Variants in CTNNA2 observed in about 807,000 individuals in gnomAD.
CTNNA2 encodes catenin alpha 2, also known as catenin alpha-2.
A neutral mutation model predicts 101.0 loss-of-function variants in CTNNA2; 42 were observed. The observed-to-expected ratio is 0.42, with a 90% CI of 0.32 to 0.54. The LOEUF is 0.54. CTNNA2 is among the 20% of genes least tolerant of loss of function. The pLI, the probability that CTNNA2 is intolerant of heterozygous loss-of-function variation, is 0.14. For synonymous variants in CTNNA2, 450 were observed against 456.4 expected, an observed-to-expected ratio of 0.99 and a Z score of 0.18; for missense variants, 871 against 1,223.1, an observed-to-expected ratio of 0.71 and a Z score of 4.29.
intron 4 of CTNNA2, among the ~76,000 whole-genome samples, chr2:79,492,467 A>C (rs1023657587): frequency 1.3e-5 from 2 of 152,066 alleles, no homozygotes; most frequent in Admixed American, 6.5e-5. Flanking sequence ...TGAAATGTGA[A>C]AGTAATTAAA....
chr2:79,998,575 G>C (rs535308302), intron 7 of CTNNA2, among the ~76,000 whole-genome samples: 1 of 152,068 alleles, frequency 6.6e-6, no homozygotes, highest in African/African-American at 2.4e-5. Context: ...TGTAGCCAAA[G>C]GCTTTTGCAA....
At chr2:80,487,766 CTT>C (rs981715996) in intron 9 of CTNNA2, among the ~76,000 whole-genome samples, 41 of 152,292 alleles carry the variant, frequency 2.7e-4, no homozygotes, top group African/African-American at 9.4e-4. Flanking sequence ...CTAAAAGAAA[CTT>C]ATCTCCATGC....
chr2:79,304,513 C>T (rs1676187568), intron 2 of CTNNA2, among the ~76,000 whole-genome samples: 1 of 152,294 alleles, frequency 6.6e-6, no homozygotes, highest in Admixed American at 6.5e-5. Context: ...GGAGAAGTCA[C>T]TTGTCAGACA....
chr2:79,559,824 A>G (rs1674664114), intron 1 of CTNNA2, among the ~76,000 whole-genome samples: 1 of 151,910 alleles, frequency 6.6e-6, no homozygotes, highest in Non-Finnish European at 1.5e-5. Context: ...ATGATAAAAT[A>G]ATACTAACTA....
intron 7 of CTNNA2, among the ~76,000 whole-genome samples, chr2:80,034,353 TC>T (rs1200341532): frequency 0.01 from 421 of 40,340 alleles, 1 homozygote; most frequent in East Asian, 0.074. Context: ...CATTTTTTTT[TC>T]TTTTTTTTTT....
chr2:80,378,334 C>T (rs930882268), intron 7 of CTNNA2, among the ~76,000 whole-genome samples: 3 of 149,718 alleles, frequency 2.0e-5, no homozygotes, highest in Non-Finnish European at 3.0e-5. Flanking sequence ...CCAGCCTGGG[C>T]AACAAGAGCA....
intron 11 of CTNNA2, among the ~76,000 whole-genome samples, chr2:80,555,111 T>C (rs1199670445): frequency 6.6e-6 from 1 of 152,042 alleles, no homozygotes; most frequent in Non-Finnish European, 1.5e-5. Flanking sequence ...GTTTTCCCAT[T>C]GCATATACCG....
chr2:79,502,399 T>C lies in CTNNA2; in HGVS notation c.-134-2655T>C, dbSNP rs10183606. ...TTCTTGGCATAAAAGTGAAGAAAAA[T>C]TCTACAGCTTTGGGATACAAAAATA... On this transcript the variant is annotated intron_variant, in intron 4 of 21. Coordinates refer to the CTNNA2 transcript ENST00000466387. Among the ~76,000 whole-genome samples, 1,958 of 152,184 alleles carry C rather than the reference T, an allele frequency of 0.013. 92 individuals carry two copies. In the East Asian group the frequency reaches 0.14, roughly 11 times the overall value.
intron 1 of CTNNA2, among the ~76,000 whole-genome samples, chr2:79,580,480 G>T (rs1358510746): frequency 6.6e-6 from 1 of 152,044 alleles, no homozygotes; most frequent in African/African-American, 2.4e-5. Flanking sequence ...GCAAGGAAAT[G>T]GATTTTTCCC....
At chr2:79,897,282 G>A (rs1574258422) in intron 6 of CTNNA2, among the ~76,000 whole-genome samples, 1 of 149,806 alleles carries the variant, frequency 6.7e-6, no homozygotes, top group African/African-American at 2.5e-5. Flanking sequence ...GTGGGGTAGT[G>A]TGGTTAAGCA....
chr2:79,694,004 G>A (rs1375307214), intron 2 of CTNNA2, among the ~76,000 whole-genome samples: 1 of 151,932 alleles, frequency 6.6e-6, no homozygotes, highest in Non-Finnish European at 1.5e-5. Flanking sequence ...TACAAATATT[G>A]TATTATTCAT....
At chr2:80,049,016 A>G (rs1400631020) in intron 7 of CTNNA2, among the ~76,000 whole-genome samples, 2 of 152,202 alleles carry the variant, frequency 1.3e-5, no homozygotes, top group Non-Finnish European at 2.9e-5. Context: ...TAGGGGCTAC[A>G]GTCTAGGGGC....
intron 7 of CTNNA2, among the ~76,000 whole-genome samples, chr2:80,094,720 A>G (rs1367309119): frequency 1.3e-5 from 2 of 152,132 alleles, no homozygotes; most frequent in Non-Finnish European, 2.9e-5. Flanking sequence ...GAGGTCCTTC[A>G]CATCCCTTGT....
chr2:79,814,069 T>C (rs1231108831), intron 3 of CTNNA2, among the ~76,000 whole-genome samples: 5 of 152,098 alleles, frequency 3.3e-5, no homozygotes, highest in Non-Finnish European at 5.9e-5. Context: ...GTCTGCCCTC[T>C]TCTTAAAAGG....
At chr2:80,406,723 A>T (rs1212716084) in intron 8 of CTNNA2, among the ~76,000 whole-genome samples, 2 of 145,306 alleles carry the variant, frequency 1.4e-5, no homozygotes, top group East Asian at 4.5e-4. Context: ...GCTACTCGGG[A>T]GGCTGAGGCA....
chr2:80,379,807 G>C (rs1353136024), intron 7 of CTNNA2, among the ~76,000 whole-genome samples: 1 of 152,096 alleles, frequency 6.6e-6, no homozygotes, highest in Non-Finnish European at 1.5e-5. Flanking sequence ...CTGAAACAGA[G>C]TATTTTGGGA....
chr2:79,336,744 C>T (rs890579580), intron 3 of CTNNA2, among the ~76,000 whole-genome samples: 4 of 152,194 alleles, frequency 2.6e-5, no homozygotes, highest in Non-Finnish European at 4.4e-5. Flanking sequence ...ATTGAACTCA[C>T]TCCAGGCCAA....
chr2:79,442,123 CATTT>C (rs1432357555), intron 4 of CTNNA2, among the ~76,000 whole-genome samples: 2 of 152,094 alleles, frequency 1.3e-5, no homozygotes, highest in Non-Finnish European at 2.9e-5. Context: ...ATTTCCCTGA[CATTT>C]ATATATGCTC....
chr2:80,092,809 T>G (rs1699869182), intron 7 of CTNNA2, among the ~76,000 whole-genome samples: 1 of 152,078 alleles, frequency 6.6e-6, no homozygotes, highest in East Asian at 1.9e-4. Flanking sequence ...CATCCAGAGG[T>G]TCCCTTGGAT....
Sources: gnomAD v4.1 joint callset for allele counts (sites outside exome capture counted in the v4.1 genomes callset) on GRCh38, gnomAD v4.1.1 for gene constraint, MANE v1.5 for transcripts, NCBI Gene and HGNC (gene_info 2026-07-23, HGNC 2026-07-21) for gene names.